TBC1D22A: variants seen among roughly 807,000 people sequenced by gnomAD.
TBC1D22A encodes TBC1 domain family member 22A.
TBC1D22A carries 38 observed loss-of-function variants against 60.2 expected under a neutral mutation model. The observed-to-expected ratio is 0.63, with a 90% CI of 0.49 to 0.83. The LOEUF is 0.83. Ranked by LOEUF, TBC1D22A falls within the 40% of genes least tolerant of loss-of-function variation. The probability of loss-of-function intolerance (pLI) is 0.00; values close to 1 mark genes in which losing one functional copy is unlikely to be tolerated. For missense variants in TBC1D22A, 628 were observed against 701.0 expected (o/e 0.90, Z 1.18); for synonymous variants, 302 against 281.7 (o/e 1.07, Z -0.72).
At chr22:47,010,024 C>T (rs549568806) in intron 10 of TBC1D22A, among the ~76,000 whole-genome samples, 4 of 152,328 alleles carry the variant, frequency 2.6e-5, no homozygotes, top group East Asian at 1.9e-4. Context: ...GCCAACAAAA[C>T]GCGGTACTGG....
At chr22:46,800,274 G>C (rs2084838917) in intron 4 of TBC1D22A, among the ~76,000 whole-genome samples, 1 of 152,164 alleles carries the variant, frequency 6.6e-6, no homozygotes, top group African/African-American at 2.4e-5. Flanking sequence ...CTAGCCATGG[G>C]TGAGGCGAGA....
chr22:47,107,434 C>T (rs2065678005), intron 11 of TBC1D22A, among the ~76,000 whole-genome samples: 1 of 152,036 alleles, frequency 6.6e-6, no homozygotes, highest in African/African-American at 2.4e-5. Flanking sequence ...AGAGGGGAAC[C>T]CAACAACTAC....
At chr22:46,919,925 T>G (rs1253170081) in intron 8 of TBC1D22A, among the ~76,000 whole-genome samples, 1 of 152,186 alleles carries the variant, frequency 6.6e-6, no homozygotes, top group African/African-American at 2.4e-5. Context: ...TTGACAGCCT[T>G]TGTGCCCAGT....
chr22:46,793,364 G>A (rs1207857272), intron 2 of TBC1D22A, 137 bp from the exon 3 acceptor site: 4 of 833,462 alleles, frequency 4.8e-6, no homozygotes, highest in African/African-American at 3.4e-5. Context: ...TGTGAATTGT[G>A]TTTGCTTTTT....
In TBC1D22A at chr22:47,173,917, A is replaced by G; in HGVS notation, c.*291A>G. 5.8e-6 allele frequency: 2 copies of G among 343,268 alleles called. No homozygotes were observed. Among genetic ancestry groups the G allele is most frequent in the Non-Finnish European group, 1.1e-5 (2 of 182,076 alleles). 21.3% of individuals were successfully genotyped at this position (343,268 alleles called of 1,614,324 possible). ...CCTCTCCCTGCAATGTCCTTGCCAA[A>G]TGACTGCCTCGTGCTGCCCCTAGTC... On this transcript the variant is annotated 3_prime_UTR_variant, in exon 13 of 13. Transcript: ENST00000337137.
At chr22:46,811,343 C>T (rs546351500) in intron 4 of TBC1D22A, among the ~76,000 whole-genome samples, 27 of 152,330 alleles carry the variant, frequency 1.8e-4, no homozygotes, top group Admixed American at 3.3e-4. Flanking sequence ...CCGTCAGACA[C>T]GAGTAGGTGC....
intron 12 of TBC1D22A, among the ~76,000 whole-genome samples, chr22:47,133,970 T>C (rs963563381): frequency 1.3e-5 from 2 of 152,030 alleles, no homozygotes; most frequent in Non-Finnish European, 2.9e-5. Flanking sequence ...CAGGACTTAA[T>C]ACCCTTTCTC....
intron 4 of TBC1D22A, among the ~76,000 whole-genome samples, chr22:46,822,648 C>T (rs1402609913): frequency 6.6e-6 from 1 of 152,164 alleles, no homozygotes; most frequent in African/African-American, 2.4e-5. Flanking sequence ...CCTTTAGGTG[C>T]ACCAACCTGA....
intron 12 of TBC1D22A, among the ~76,000 whole-genome samples, chr22:47,140,560 A>C (rs2067044127): frequency 6.6e-6 from 1 of 151,662 alleles, no homozygotes; most frequent in African/African-American, 2.4e-5. Flanking sequence ...TCTCAAAAAA[A>C]AAAAAAAAAG....
rs569143049 is a variant in TBC1D22A, at chr22:46,978,972, TACTC to T, written c.1125+4575_1125+4578del. 3.3e-3 allele frequency among the ~76,000 whole-genome samples: 500 copies of T among 152,336 alleles called. 2 individuals are homozygous for T. Among genetic ancestry groups the T allele is most frequent in the Non-Finnish European group, 5.4e-3 (365 of 68,030 alleles). On this transcript the variant is annotated intron_variant, in intron 9 of 12. Transcript: ENST00000337137. ...TCTTTTTTCATTCATACTATACTAT[TACTC>T]AACAAATGGTAGTTTCTTAAAGGGT...
Position 47,054,146 on chromosome 22 carries a change from A to G in TBC1D22A, c.1329+16948A>G, listed in dbSNP as rs2063314688. On this transcript the variant is annotated intron_variant, in intron 11 of 12. Transcript: ENST00000337137. ...ATCCCTGACTCAAGAGCCCCCCAGC[A>G]CCCATGGCTGCTAGGAGAGGAGGAA... Among the ~76,000 whole-genome samples, 3 of 152,166 alleles carry G rather than the reference A, an allele frequency of 2.0e-5. No individual in the cohort carries two copies. In the South Asian group the frequency reaches 6.2e-4, roughly 32 times the overall value.
At chr22:47,050,971 G>A (rs4823588) in intron 11 of TBC1D22A, among the ~76,000 whole-genome samples, 48,514 of 152,106 alleles carry the variant, frequency 0.32, 8,645 homozygotes, top group Non-Finnish European at 0.4. Context: ...GGGCAGTCGC[G>A]GGGACCTTTG....
intron 12 of TBC1D22A, among the ~76,000 whole-genome samples, chr22:47,141,660 T>G (rs893935417): frequency 1.3e-5 from 2 of 152,214 alleles, no homozygotes; most frequent in Non-Finnish European, 2.9e-5. Context: ...ACCATGATTC[T>G]GTAAGGAAAT....
intron 1 of TBC1D22A, chr22:46,764,240 T>C (rs1178598859): frequency 1.3e-5 from 2 of 152,156 alleles, no homozygotes; most frequent in South Asian, 2.1e-4. Flanking sequence ...CCGTGCTTGA[T>C]TCGAGAACAG....
Position 46,842,245 on chromosome 22 carries a change from G to A in TBC1D22A, c.638-36408G>A, listed in dbSNP as rs77821174. On this transcript the variant is annotated intron_variant, in intron 4 of 12. Transcript: ENST00000337137. ...TTCTTTGGGGCCATTTGAATGATAG[G>A]GACAACTAAGATGTGGGATCTCATT... 8.8e-3 allele frequency among the ~76,000 whole-genome samples: 1,334 copies of A among 152,322 alleles called. 25 individuals carry two copies. The highest frequency in any genetic ancestry group is 0.031 in the African/African-American group (1,270 of 41,554).
intron 10 of TBC1D22A, among the ~76,000 whole-genome samples, chr22:47,008,141 G>A (rs1030504475): frequency 5.9e-5 from 9 of 152,206 alleles, no homozygotes; most frequent in Admixed American, 5.9e-4. Flanking sequence ...AAAAACACCA[G>A]CAAATTTGGA....
At chr22:47,064,236 C>T (rs770026586) in intron 11 of TBC1D22A, among the ~76,000 whole-genome samples, 2 of 152,260 alleles carry the variant, frequency 1.3e-5, no homozygotes, top group African/African-American at 2.4e-5. Context: ...GCCCTCCTCT[C>T]CCGCTCAGCA....
chr22:46,792,004 G>A (rs962924055), intron 1 of TBC1D22A, among the ~76,000 whole-genome samples: 1 of 152,298 alleles, frequency 6.6e-6, no homozygotes, highest in Non-Finnish European at 1.5e-5. Flanking sequence ...CAGGTGATCC[G>A]CCCGCCTTGG....
chr22:46,941,609 C>G (rs534473233), intron 8 of TBC1D22A, among the ~76,000 whole-genome samples: 57 of 137,550 alleles, frequency 4.1e-4, no homozygotes, highest in Non-Finnish European at 5.0e-4. Flanking sequence ...TATATATACG[C>G]GGAATATATA....
Sources: gnomAD v4.1 joint callset for allele counts (sites outside exome capture counted in the v4.1 genomes callset) on GRCh38, gnomAD v4.1.1 for gene constraint, MANE v1.5 for transcripts, NCBI Gene and HGNC (gene_info 2026-07-23, HGNC 2026-07-21) for gene names.